Variants in BLOC1S5 observed in about 807,000 individuals in gnomAD.
The protein encoded by BLOC1S5 is biogenesis of lysosome-related organelles complex 1 subunit 5.
Under a neutral mutation model 24.3 loss-of-function variants are expected in BLOC1S5, and 27 were observed. That is an observed-to-expected ratio of 1.11 (90% CI 0.82 to 1.53). The LOEUF is 1.53. Among genes scored for constraint, BLOC1S5 ranks in the 40% most tolerant of loss-of-function variants. The pLI is 0.00. For missense variants in BLOC1S5, 239 were observed against 229.4 expected, an observed-to-expected ratio of 1.04 and a Z score of -0.27; for synonymous variants, 84 against 74.5, an observed-to-expected ratio of 1.13 and a Z score of -0.66.
chr6:8,044,998 G>A (rs1763831253), intron 2 of BLOC1S5, among the ~76,000 whole-genome samples: 1 of 152,224 alleles, frequency 6.6e-6, no homozygotes, highest in Admixed American at 6.5e-5. Context: ...GGAGCCAAAT[G>A]TCAATCCCCA....
At position 8,015,763 on chromosome 6, in the gene BLOC1S5, C is replaced by T; in HGVS notation, c.450G>A (p.Lys150=). ...QHMLQWDNFM[K]EQPNKRAEVD... is the part of the protein sequence containing the mutation. ...CTTCAGCCCTTTTGTTGGGTTGCTC[C>T]TTCATGAAGTTGTCCCACTGGAGCA... is the stretch of plus-strand genomic sequence containing the variant. Residue 150 remains lysine, a synonymous_variant, in exon 5 of 5, where the codon AAG becomes AAA. Transcript: ENST00000397457. 6.2e-7 allele frequency: 1 copy of T among 1,614,122 alleles called. No individual in the cohort carries two copies. The highest frequency in any genetic ancestry group is 8.5e-7 in the Non-Finnish European group (1 of 1,180,030).
At chr6:8,023,418 C>T (rs369000255) in intron 4 of BLOC1S5, among the ~76,000 whole-genome samples, 3 of 152,092 alleles carry the variant, frequency 2.0e-5, no homozygotes, top group African/African-American at 2.4e-5. Context: ...GGTGAAACCC[C>T]GTTTCTACTA....
chr6:8,031,092 C>T (rs1306537647), intron 3 of BLOC1S5, among the ~76,000 whole-genome samples: 2 of 152,146 alleles, frequency 1.3e-5, no homozygotes, highest in African/African-American at 4.8e-5. Flanking sequence ...CTACTTTCAC[C>T]ATTTCTATTC....
intron 4 of BLOC1S5, among the ~76,000 whole-genome samples, chr6:8,023,651 T>C (rs11754083): frequency 1.1e-4 from 16 of 152,166 alleles, no homozygotes; most frequent in Admixed American, 1.0e-3. Flanking sequence ...ACTACTCCCA[T>C]CTTTGTTCTG....
At chr6:8,041,655 C>CT (rs1554139177) in intron 2 of BLOC1S5, among the ~76,000 whole-genome samples, 1 of 111,928 alleles carries the variant, frequency 8.9e-6, no homozygotes, top group African/African-American at 3.2e-5. Context: ...TTCTTTCTTT[C>CT]TTTTTTTTTG....
chr6:8,044,643 C>G (rs1763814221), intron 2 of BLOC1S5, among the ~76,000 whole-genome samples: 1 of 152,116 alleles, frequency 6.6e-6, no homozygotes, highest in South Asian at 2.1e-4. Context: ...ACAATAAGGT[C>G]CAGGCTGAGG....
chr6:8,019,369 A>C (rs532151304), intron 4 of BLOC1S5, among the ~76,000 whole-genome samples: 50 of 151,792 alleles, frequency 3.3e-4, no homozygotes, highest in Admixed American at 1.2e-3. Flanking sequence ...CCCGGGTTCA[A>C]GCAATTCTCA....
At chr6:8,061,077 C>T (rs535762991) in intron 2 of BLOC1S5, among the ~76,000 whole-genome samples, 1 of 152,260 alleles carries the variant, frequency 6.6e-6, no homozygotes, top group South Asian at 2.1e-4. Flanking sequence ...ATCTGCCCAC[C>T]TCGGCCTCCC....
At chr6:8,027,144 C>T (rs1455267156) in intron 3 of BLOC1S5, 9 of 312,332 alleles carry the variant, frequency 2.9e-5, no homozygotes, top group South Asian at 2.4e-4. Flanking sequence ...AGTTGTAATT[C>T]TTCAGTTATT....
intron 2 of BLOC1S5, among the ~76,000 whole-genome samples, chr6:8,060,068 A>G (rs187709392): frequency 5.3e-5 from 8 of 152,342 alleles, no homozygotes; most frequent in African/African-American, 1.4e-4. Flanking sequence ...GTGGTAATTT[A>G]TTACATAGAC....
chr6:8,039,547 A>G (rs1053978874), intron 3 of BLOC1S5, among the ~76,000 whole-genome samples: 5 of 152,216 alleles, frequency 3.3e-5, no homozygotes, highest in African/African-American at 1.2e-4. Context: ...AAATTACCAT[A>G]AGTACCCCCA....
chr6:8,029,221 G>A (rs1465874368), intron 3 of BLOC1S5, among the ~76,000 whole-genome samples: 1 of 152,136 alleles, frequency 6.6e-6, no homozygotes, highest in African/African-American at 2.4e-5. Flanking sequence ...CCAAAATCAG[G>A]TATACAGTGC....
intron 3 of BLOC1S5, among the ~76,000 whole-genome samples, chr6:8,029,676 G>T (rs750025880): frequency 6.6e-6 from 1 of 152,138 alleles, no homozygotes; most frequent in Non-Finnish European, 1.5e-5. Context: ...AGGTCCCCTG[G>T]GAACAGAGGC....
At chr6:8,028,313 A>C (rs1763176788) in intron 3 of BLOC1S5, among the ~76,000 whole-genome samples, 1 of 152,110 alleles carries the variant, frequency 6.6e-6, no homozygotes, top group Non-Finnish European at 1.5e-5. Context: ...GATAATATTT[A>C]AGTATTGAAA....
At chr6:8,034,189 T>C (rs940634283) in intron 3 of BLOC1S5, among the ~76,000 whole-genome samples, 11 of 152,214 alleles carry the variant, frequency 7.2e-5, no homozygotes, top group South Asian at 2.1e-4. Context: ...CGTATGTTTA[T>C]TGCAGCACTA....
intron 3 of BLOC1S5, among the ~76,000 whole-genome samples, chr6:8,027,017 G>T (rs762936776): frequency 1.3e-5 from 2 of 152,164 alleles, no homozygotes; most frequent in Non-Finnish European, 2.9e-5. Context: ...AATCAAGGAG[G>T]TTATAAAACT....
At chr6:8,052,822 G>A (rs1477570640) in intron 2 of BLOC1S5, among the ~76,000 whole-genome samples, 1 of 151,424 alleles carries the variant, frequency 6.6e-6, no homozygotes, top group Non-Finnish European at 1.5e-5. Context: ...GTGAGCCCAG[G>A]AGGCGGAGCT....
chr6:8,021,909 T>C (rs1762927463), intron 4 of BLOC1S5, among the ~76,000 whole-genome samples: 1 of 152,148 alleles, frequency 6.6e-6, no homozygotes, highest in Non-Finnish European at 1.5e-5. Flanking sequence ...ACTATAATGG[T>C]GTTATCTCTT....
At chr6:8,018,466 T>C (rs1320761485) in intron 4 of BLOC1S5, among the ~76,000 whole-genome samples, 1 of 152,202 alleles carries the variant, frequency 6.6e-6, no homozygotes, top group East Asian at 1.9e-4. Context: ...CAGCTGACCT[T>C]GTGATGTGGA....
Sources: gnomAD v4.1 joint callset for allele counts (sites outside exome capture counted in the v4.1 genomes callset) on GRCh38, gnomAD v4.1.1 for gene constraint, MANE v1.5 for transcripts, NCBI Gene and HGNC (gene_info 2026-07-23, HGNC 2026-07-21) for gene names.